Variants in KIF26B observed in about 807,000 individuals in gnomAD.
KIF26B encodes kinesin family member 26B, also known as kinesin-like protein KIF26B.
KIF26B carries 63 observed loss-of-function variants against 151.2 expected under a neutral mutation model. The ratio of observed to expected loss-of-function variants is 0.42; its 90% CI spans 0.34 to 0.51. KIF26B has a LOEUF of 0.51. Ranked by LOEUF, KIF26B falls within the 20% of genes least tolerant of loss-of-function variation. The pLI is 0.07. For missense variants in KIF26B, 2,813 were observed against 2,913.6 expected (o/e 0.97, Z 0.79); for synonymous variants, 1,357 against 1,262.1 (o/e 1.08, Z -1.59).
intron 4 of KIF26B, among the ~76,000 whole-genome samples, chr1:245,435,201 G>C (rs1464469576): frequency 1.3e-5 from 2 of 151,874 alleles, no homozygotes; most frequent in Non-Finnish European, 2.9e-5. Context: ...CAAGCATTTG[G>C]TAAGCTCATG....
intron 4 of KIF26B, among the ~76,000 whole-genome samples, chr1:245,439,005 A>G (rs1219766735): frequency 6.6e-6 from 1 of 152,166 alleles, no homozygotes; most frequent in Non-Finnish European, 1.5e-5. Flanking sequence ...ATATGACAAA[A>G]CTCATCAAAG....
chr1:245,667,288 G>T lies in KIF26B; in HGVS notation c.2259-16945G>T, dbSNP rs1002495671. Among the ~76,000 whole-genome samples, 7 of 152,098 alleles carry T rather than the reference G, an allele frequency of 4.6e-5. No homozygotes were observed. Among genetic ancestry groups the T allele is most frequent in the Non-Finnish European group, 8.8e-5 (6 of 68,016 alleles). ...GCTCCTGGGCTCAAGCTATCCTCCT[G>T]ACTCAGCCTCCCAAGTAGCTGGGAC... On this transcript the variant is annotated intron_variant, in intron 10 of 14. Transcript: ENST00000407071. This position sits in a 1 kb window ranked among gnomAD's most constrained non-coding sequence, Gnocchi z 4.3.
intron 2 of KIF26B, among the ~76,000 whole-genome samples, chr1:245,230,140 A>AACAAT: frequency 6.8e-6 from 1 of 146,208 alleles, no homozygotes; most frequent in African/African-American, 2.7e-5. Context: ...CTAAAAACAA[A>AACAAT]ACAAAACAAA....
chr1:245,504,442 T>TC lies in KIF26B; in HGVS notation c.1167-36325_1167-36324insC, dbSNP rs1227593679. Among the ~76,000 whole-genome samples the TC allele has an allele frequency of 4.4e-4, 42 of 94,598 alleles. No individual in the cohort carries two copies. The Middle Eastern group carries it at 0.039, about 88-fold the overall frequency. The allele number at this position is 94,598 out of a possible 152,430, so 62.1% of individuals were successfully genotyped here. ...TTCCTTTCTTCCTTCTTTCTTTTTC[T>TC]TTTTTTTTGATACAGGGTCTTGCTC... On this transcript the variant is annotated intron_variant, in intron 4 of 14. Transcript: ENST00000407071.
chr1:245,323,783 T>C (rs1558388807), intron 2 of KIF26B, among the ~76,000 whole-genome samples: 1 of 152,366 alleles, frequency 6.6e-6, no homozygotes, highest in East Asian at 1.9e-4. Flanking sequence ...AAGCTCCTAC[T>C]GTGTGTCCTC....
At chr1:245,651,583 G>T (rs1398539366) in intron 10 of KIF26B, among the ~76,000 whole-genome samples, 1 of 152,198 alleles carries the variant, frequency 6.6e-6, no homozygotes, top group African/African-American at 2.4e-5. Flanking sequence ...CTAGAGCGGG[G>T]TTCCAAACCC....
At chr1:245,341,303 G>GTTT (rs34249209) in intron 2 of KIF26B, among the ~76,000 whole-genome samples, 10 of 82,602 alleles carry the variant, frequency 1.2e-4, no homozygotes, top group Non-Finnish European at 2.7e-4. Flanking sequence ...AAAAGATGCA[G>GTTT]TTTTTTTTTT....
chr1:245,534,450 C>A (rs1661445141), intron 4 of KIF26B, among the ~76,000 whole-genome samples: 1 of 151,972 alleles, frequency 6.6e-6, no homozygotes, highest in South Asian at 2.1e-4. Context: ...TGTGAGCCAT[C>A]GCACCTGGCC....
At chr1:245,520,929 T>C (rs1661087520) in intron 4 of KIF26B, among the ~76,000 whole-genome samples, 1 of 152,280 alleles carries the variant, frequency 6.6e-6, no homozygotes, top group African/African-American at 2.4e-5. Context: ...TAAGATGATG[T>C]CATTGTAACA....
At chr1:245,644,941 C>T (rs2043931179) in intron 9 of KIF26B, among the ~76,000 whole-genome samples, 1 of 152,100 alleles carries the variant, frequency 6.6e-6, no homozygotes, top group Admixed American at 6.5e-5. Context: ...CTGGTGAGGA[C>T]TCAGGAAGCT....
intron 5 of KIF26B, among the ~76,000 whole-genome samples, chr1:245,574,138 C>T (rs2043093361): frequency 6.6e-6 from 1 of 151,966 alleles, no homozygotes; most frequent in South Asian, 2.1e-4. Context: ...CTCAGTAGTT[C>T]CTAGAGACCA....
intron 2 of KIF26B, among the ~76,000 whole-genome samples, chr1:245,268,176 G>T (rs558868949): frequency 6.6e-6 from 1 of 152,044 alleles, no homozygotes; most frequent in South Asian, 2.1e-4. Context: ...CGTCTGTAAA[G>T]AAATAATAAC....
intron 4 of KIF26B, among the ~76,000 whole-genome samples, chr1:245,469,902 A>G (rs1659873990): frequency 6.6e-6 from 1 of 152,160 alleles, no homozygotes; most frequent in South Asian, 2.1e-4. Flanking sequence ...ACAGGTGCAG[A>G]AAGCAGTCTA....
chr1:245,412,777 A>T (rs926268075), intron 3 of KIF26B, among the ~76,000 whole-genome samples: 2 of 152,190 alleles, frequency 1.3e-5, no homozygotes, highest in Admixed American at 1.3e-4. Flanking sequence ...TTAAAAGTTA[A>T]AATAGAAGGA....
intron 14 of KIF26B, 110 bp downstream of exon 14, chr1:245,699,147 C>T: frequency 8.6e-7 from 1 of 1,158,658 alleles, no homozygotes; most frequent in South Asian, 1.5e-5. Context: ...CGTCCTCAGT[C>T]ACAGGATGCC....
intron 2 of KIF26B, among the ~76,000 whole-genome samples, chr1:245,176,399 T>A (rs761160517): frequency 1.4e-4 from 22 of 152,198 alleles, no homozygotes; most frequent in Non-Finnish European, 2.4e-4. Context: ...TAGAATGCCA[T>A]ATTTCATGGA....
At position 245,686,993 on chromosome 1, in the gene KIF26B, C is replaced by T; in HGVS notation, c.4010C>T (p.Pro1337Leu). ...TGCAGAGAGAAGCCCAAGGCCAGCC[C>T]CGACAACTTGCTCATCCTGTCTGAG... ...VVCREKPKAS[P>L]DNLLILSEMG... Residue 1337 changes from proline (P) to leucine (L), a missense_variant, in exon 12 of 15, where the codon CCC becomes CTC. Transcript: ENST00000407071. The surrounding 1 kb of genome is among the most constrained non-coding windows in gnomAD (Gnocchi z 5.6). The T allele has an allele frequency of 6.2e-7, 1 of 1,613,576 alleles. No individual in the cohort carries two copies. The highest frequency in any genetic ancestry group is 8.5e-7 in the Non-Finnish European group (1 of 1,179,830).
At chr1:245,409,957 A>G (rs562089499) in intron 3 of KIF26B, among the ~76,000 whole-genome samples, 1 of 152,310 alleles carries the variant, frequency 6.6e-6, no homozygotes, top group Admixed American at 6.5e-5. Context: ...AAAGATCTGA[A>G]CCACCCCAGC....
At chr1:245,394,684 C>CTTTTTTTTT (rs1444711983) in intron 3 of KIF26B, among the ~76,000 whole-genome samples, 77 of 124,390 alleles carry the variant, frequency 6.2e-4, no homozygotes, top group African/African-American at 1.6e-3. Context: ...AAGTTTTTTT[C>CTTTTTTTTT]TTTCTTTTTT....
Sources: allele counts gnomAD v4.1 joint callset (sites outside exome capture counted in the v4.1 genomes callset), GRCh38; gene constraint gnomAD v4.1.1; non-coding constraint Gnocchi (gnomAD v3.1); transcripts MANE v1.5; gene names NCBI Gene and HGNC (gene_info 2026-07-23, HGNC 2026-07-21).